Variants in PXDNL observed in about 807,000 individuals in gnomAD.
PXDNL encodes probable oxidoreductase PXDNL.
A neutral mutation model predicts 150.8 loss-of-function variants in PXDNL; 145 were observed. That is an observed-to-expected ratio of 0.96 (90% CI 0.84 to 1.10). The LOEUF (loss-of-function observed/expected upper bound fraction) is 1.10. PXDNL is among the 50% of genes least tolerant of loss of function. The pLI is 0.00. For missense variants in PXDNL, 2,087 were observed against 1,873.9 expected (o/e 1.11, Z -2.10); for synonymous variants, 757 against 725.7 (o/e 1.04, Z -0.69).
chr8:51,747,752 C>G (rs758565479), intron 1 of PXDNL, among the ~76,000 whole-genome samples: 4 of 152,190 alleles, frequency 2.6e-5, no homozygotes, highest in Non-Finnish European at 5.9e-5. Flanking sequence ...TAAATAGGAT[C>G]AAACTTGGGT....
rs528608692 is a variant in PXDNL, at chr8:51,583,252, C to T, written c.308+9375G>A. On this transcript the variant is annotated intron_variant, in intron 3 of 22. Transcript: ENST00000356297. The stretch of plus-strand genomic sequence containing the variant: ...TCAGCAGGTTGTATGAGGAACATGG[C>T]GCCAGCATCTGCTTGGCTTCTGGTG... Among the ~76,000 whole-genome samples, 9 of 152,122 alleles carry T rather than the reference C, an allele frequency of 5.9e-5. No homozygotes were observed. The South Asian group carries it at 1.0e-3, about 18-fold the overall frequency.
chr8:51,402,858 C>T (rs1296104853), intron 17 of PXDNL, among the ~76,000 whole-genome samples: 1 of 150,902 alleles, frequency 6.6e-6, no homozygotes, highest in East Asian at 2.0e-4. Context: ...GTCAGGAGAT[C>T]GAGACCATCC....
intron 20 of PXDNL, among the ~76,000 whole-genome samples, chr8:51,341,422 T>G (rs1194647961): frequency 6.6e-6 from 1 of 152,098 alleles, no homozygotes; most frequent in Non-Finnish European, 1.5e-5. Flanking sequence ...TTTTTTCACG[T>G]GTGCATGTGG....
intron 5 of PXDNL, among the ~76,000 whole-genome samples, chr8:51,496,523 A>C (rs1235763056): frequency 6.6e-6 from 1 of 152,214 alleles, no homozygotes; most frequent in Non-Finnish European, 1.5e-5. Flanking sequence ...TTGTATATTT[A>C]GAAAACCCCG....
chr8:51,496,270 A>G (rs1754687852), intron 5 of PXDNL, among the ~76,000 whole-genome samples: 1 of 152,182 alleles, frequency 6.6e-6, no homozygotes, highest in Non-Finnish European at 1.5e-5. Flanking sequence ...GGTATTGATG[A>G]GATGTATCTC....
At chr8:51,371,747 G>A in intron 19 of PXDNL, 126 bp downstream of exon 19, 3 of 871,998 alleles carry the variant, frequency 3.4e-6, no homozygotes, top group South Asian at 3.4e-5. Flanking sequence ...TTTCCAAAAG[G>A]AAAGTTCTGT....
In PXDNL at chr8:51,643,612, C is replaced by T. The variant is rs557376834; in HGVS notation, c.236+11077G>A. ...ACCCTAGAACAAAACCTAGGCAATACCATTCAGGACATAGGCATGGGCAAG... is the reference window on the plus strand; with the variant it reads ...ACCCTAGAACAAAACCTAGGCAATATCATTCAGGACATAGGCATGGGCAAG... On this transcript the variant is annotated intron_variant, in intron 2 of 22. Transcript: ENST00000356297. 1.6e-3 allele frequency among the ~76,000 whole-genome samples: 245 copies of T among 152,286 alleles called. 2 individuals are homozygous for T. Among genetic ancestry groups the T allele is most frequent in the African/African-American group, 5.5e-3 (228 of 41,548 alleles).
chr8:51,432,126 A>C (rs1391097910), intron 12 of PXDNL, among the ~76,000 whole-genome samples: 1 of 152,172 alleles, frequency 6.6e-6, no homozygotes, highest in African/African-American at 2.4e-5. Flanking sequence ...AAATATTAAA[A>C]CTTTTTTATC....
At chr8:51,689,737 T>C (rs1283374909) in intron 1 of PXDNL, among the ~76,000 whole-genome samples, 1 of 152,166 alleles carries the variant, frequency 6.6e-6, no homozygotes, top group African/African-American at 2.4e-5. Flanking sequence ...TCCGGTAATA[T>C]AAGGAAATAA....
intron 1 of PXDNL, among the ~76,000 whole-genome samples, chr8:51,682,534 A>T (rs761343197): frequency 9.9e-5 from 15 of 152,106 alleles, no homozygotes; most frequent in South Asian, 2.1e-4. Flanking sequence ...CTCTGTCCTT[A>T]ATCTGTTTGC....
chr8:51,512,302 A>G (rs913501362), intron 4 of PXDNL, among the ~76,000 whole-genome samples: 1 of 152,242 alleles, frequency 6.6e-6, no homozygotes, highest in Non-Finnish European at 1.5e-5. Context: ...ATGTGAGGAC[A>G]GGGGTAAGAA....
chr8:51,696,578 A>G (rs1816130696), intron 1 of PXDNL, among the ~76,000 whole-genome samples: 1 of 119,336 alleles, frequency 8.4e-6, no homozygotes, highest in African/African-American at 3.1e-5. Context: ...CGCTAGACAC[A>G]ACTCAAGGCC....
chr8:51,722,397 C>A (rs1251270379), intron 1 of PXDNL, among the ~76,000 whole-genome samples: 7 of 152,204 alleles, frequency 4.6e-5, no homozygotes, highest in African/African-American at 1.4e-4. Flanking sequence ...ACTCCTGAAG[C>A]CCAAGTGGGC....
At chr8:51,589,093 TTG>T (rs149965333) in intron 3 of PXDNL, among the ~76,000 whole-genome samples, 2,243 of 152,244 alleles carry the variant, frequency 0.015, 56 homozygotes, top group African/African-American at 0.05. Context: ...TCTCTCTGTC[TTG>T]TGTGTTTGTT....
intron 3 of PXDNL, among the ~76,000 whole-genome samples, chr8:51,581,772 A>G (rs73588771): frequency 0.051 from 7,758 of 152,168 alleles, 463 homozygotes; most frequent in African/African-American, 0.15. Context: ...TAAATCTTTC[A>G]AAAGATTTTG....
intron 2 of PXDNL, among the ~76,000 whole-genome samples, chr8:51,636,991 A>C (rs1814618210): frequency 6.6e-6 from 1 of 152,126 alleles, no homozygotes; most frequent in South Asian, 2.1e-4. Flanking sequence ...CTCTGAGATG[A>C]AGCTTCCAGA....
intron 4 of PXDNL, among the ~76,000 whole-genome samples, chr8:51,507,773 G>A (rs1811324111): frequency 6.6e-6 from 1 of 152,140 alleles, no homozygotes; most frequent in African/African-American, 2.4e-5. Context: ...GGAAGTGGTG[G>A]TGCTACTAGC....
At chr8:51,721,646 A>T (rs578208629) in intron 1 of PXDNL, 545 of 277,028 alleles carry the variant, frequency 2.0e-3, no homozygotes, top group African/African-American at 9.8e-3. Context: ...TAATAAAATT[A>T]AAAAAAAAAA....
Position 51,691,361 on chromosome 8 carries a change from G to A in PXDNL, c.165-36601C>T, listed in dbSNP as rs183736138. On this transcript the variant is annotated intron_variant, in intron 1 of 22. Transcript: ENST00000356297. ...TAATTTTTGTATAAGGTGTAAGGAA[G>A]GGATCCACTTTCAGCTTTCTGCCTA... 2.6e-5 allele frequency among the ~76,000 whole-genome samples: 4 copies of A among 152,230 alleles called. No individual in the cohort carries two copies. In the East Asian group the frequency reaches 7.7e-4, roughly 29 times the overall value.
Sources: gnomAD v4.1 joint callset for allele counts (sites outside exome capture counted in the v4.1 genomes callset) on GRCh38, gnomAD v4.1.1 for gene constraint, MANE v1.5 for transcripts, NCBI Gene and HGNC (gene_info 2026-07-23, HGNC 2026-07-21) for gene names.